Variants in ZNF700 observed in about 807,000 individuals in gnomAD.
ZNF700 encodes zinc finger protein 700.
Under a neutral mutation model 65.3 loss-of-function variants are expected in ZNF700, and 38 were observed. The observed-to-expected ratio is 0.58, with a 90% CI of 0.45 to 0.76. The LOEUF (loss-of-function observed/expected upper bound fraction) is 0.76, where lower values mean the gene tolerates loss of function less well. Among genes scored for constraint, ZNF700 ranks in the 30% least tolerant of loss-of-function variants. The probability of loss-of-function intolerance (pLI) is 0.00; values close to 1 mark genes in which losing one functional copy is unlikely to be tolerated. For synonymous variants in ZNF700, 285 were observed against 290.4 expected (o/e 0.98, Z 0.19); for missense variants, 857 against 888.4 (o/e 0.96, Z 0.45).
chr19:11,948,234 T>G (rs771024798), intron 3 of ZNF700, 42 bp from the exon 4 acceptor site: 2 of 1,589,768 alleles, frequency 1.3e-6, no homozygotes, highest in Admixed American at 3.7e-5. Flanking sequence ...ATAGAAGTAC[T>G]TGTAAACAAA....
intron 3 of ZNF700, 58 bp from the exon 4 acceptor site, chr19:11,948,218 A>T: frequency 1.3e-6 from 2 of 1,558,360 alleles, no homozygotes; most frequent in Non-Finnish European, 1.7e-6. Context: ...ATACTTGTTG[A>T]TTAATATAGA....
At chr19:11,927,457 A>AATAC (rs1327682950) in intron 1 of ZNF700, among the ~76,000 whole-genome samples, 1 of 147,298 alleles carries the variant, frequency 6.8e-6, no homozygotes, top group Non-Finnish European at 1.5e-5. Context: ...TAAATAAATA[A>AATAC]ATAAATAGAA....
chr19:11,937,490 CTT>C (rs1053539594), intron 1 of ZNF700, among the ~76,000 whole-genome samples: 33 of 129,012 alleles, frequency 2.6e-4, no homozygotes, highest in Non-Finnish European at 4.6e-4. Flanking sequence ...TTTTTCTTTC[CTT>C]TTTTTTTTTT....
Position 11,935,130 on chromosome 19 carries a change from G to C in ZNF700, c.63+9857G>C, listed in dbSNP as rs1242198085. On this transcript the variant is annotated intron_variant, in intron 1 of 3. Coordinates refer to ENST00000254321, the MANE Select transcript of ZNF700 (RefSeq NM_144566.3). ...GGCGGAGCTTGCAGTGGGCCGAGAT[G>C]GCACCACTGCACTCCAGCCTGGGCG... is the stretch of plus-strand genomic sequence containing the variant. Among the ~76,000 whole-genome samples, 269 of 132,260 alleles carry C rather than the reference G, an allele frequency of 2.0e-3. 4 individuals are homozygous for C. Among genetic ancestry groups the C allele is most frequent in the Middle Eastern group, 0.011 (3 of 266 alleles). The allele number at this position is 132,260 out of a possible 152,430, so 86.8% of individuals were successfully genotyped here. A position where few individuals can be genotyped will look rare whatever the true frequency, so the allele number is the denominator to read the frequency against.
chr19:11,947,443 G>A (rs759401536), intron 2 of ZNF700, 71 bp from the exon 3 acceptor site: 1 of 1,599,306 alleles, frequency 6.3e-7, no homozygotes, highest in Non-Finnish European at 8.5e-7. Context: ...GTAAATCATG[G>A]GCACAGAATC....
At chr19:11,932,758 C>T (rs903328193) in intron 1 of ZNF700, among the ~76,000 whole-genome samples, 1 of 146,632 alleles carries the variant, frequency 6.8e-6, no homozygotes, top group Non-Finnish European at 1.5e-5. Flanking sequence ...CTGTCTCAGC[C>T]TCCCAAGTAG....
rs1297367201 is a variant in ZNF700, at chr19:11,949,386, C to T, written c.1362C>T (p.Ala454=). Residue 454 remains alanine (A), a synonymous_variant, in exon 4 of 4, where the codon GCC becomes GCT. Coordinates refer to ENST00000254321, the MANE Select transcript of ZNF700 (RefSeq NM_144566.3). The part of the protein sequence containing the change: ...KPYECKECGK[A]FRSTSHLRVH... ...ATGAATGTAAGGAATGTGGGAAAGC[C>T]TTCAGATCTACCTCACACCTTCGAG... The T allele has an allele frequency of 3.1e-6, 5 of 1,613,558 alleles. No individual in the cohort carries two copies. The African/African-American group carries it at 5.3e-5, about 17-fold the overall frequency.
chr19:11,937,991 G>A (rs374631175), intron 1 of ZNF700, among the ~76,000 whole-genome samples: 132 of 152,204 alleles, frequency 8.7e-4, no homozygotes, highest in African/African-American at 3.0e-3. Context: ...CATGCTTAGC[G>A]TTCCAAAAAT....
chr19:11,945,389 C>T (rs1287334296), intron 1 of ZNF700, among the ~76,000 whole-genome samples: 6 of 152,204 alleles, frequency 3.9e-5, no homozygotes, highest in Non-Finnish European at 5.9e-5. Flanking sequence ...ATTGACCAAG[C>T]ACAAGTCCTG....
intron 1 of ZNF700, chr19:11,926,714 ACC>A (rs1972634421): frequency 6.5e-6 from 1 of 154,146 alleles, no homozygotes; most frequent in African/African-American, 2.4e-5. Context: ...TTTTTAGTTT[ACC>A]AGTTTAGGGG....
At chr19:11,927,082 A>G (rs1407081393) in intron 1 of ZNF700, among the ~76,000 whole-genome samples, 2 of 152,164 alleles carry the variant, frequency 1.3e-5, no homozygotes, top group Non-Finnish European at 2.9e-5. Flanking sequence ...GGCCAGCATG[A>G]TGGCTTAGGC....
In ZNF700 at chr19:11,950,106, T is replaced by G; in HGVS notation, c.2082T>G (p.His694Gln). The change falls in exon 4 of 4, where the codon CAT becomes CAG. Residue 694 changes from histidine to glutamine, a missense_variant. By Grantham distance (24) the His-to-Gln change is conservative. Around this residue, in one of 3 missense-constraint regions of ZNF700, gnomAD observed 251 missense variants for 250.3 expected, o/e 1.00. Transcript: ENST00000254321. ...GFTSAKILQI[H>Q]ARTHIGEKHY... Reference sequence around the variant, plus strand: ...CATCTGCCAAGATTCTTCAAATACATGCAAGAACACACATTGGAGAGAAAC... The same window carrying G: ...CATCTGCCAAGATTCTTCAAATACAGGCAAGAACACACATTGGAGAGAAAC... The G allele has an allele frequency of 1.2e-6, 2 of 1,614,112 alleles. No homozygotes were observed. Among genetic ancestry groups the G allele is most frequent in the Non-Finnish European group, 1.7e-6 (2 of 1,179,986 alleles).
intron 1 of ZNF700, among the ~76,000 whole-genome samples, chr19:11,928,461 G>A (rs991435045): frequency 6.7e-6 from 1 of 149,770 alleles, no homozygotes; most frequent in Non-Finnish European, 1.5e-5. Flanking sequence ...GGCCGGGCGC[G>A]GTGGCTCACG....
chr19:11,937,115 G>A (rs1420236503), intron 1 of ZNF700, among the ~76,000 whole-genome samples: 2 of 152,184 alleles, frequency 1.3e-5, no homozygotes, highest in African/African-American at 4.8e-5. Context: ...CTCATTCACA[G>A]ATCATGCTTT....
rs769598743 is a variant in ZNF700 at position 11,950,300 on chromosome 19, A to G, written c.*47A>G. The G allele has an allele frequency of 6.4e-7, 1 of 1,563,600 alleles. No individual in the cohort carries two copies. Among genetic ancestry groups the G allele is most frequent in the East Asian group, 2.2e-5 (1 of 44,468 alleles). On this transcript the variant is annotated 3_prime_UTR_variant, in exon 4 of 4. Transcript: ENST00000254321. ...GAATAGACTCACACTGGAAGGAAGC[A>G]CTATGAATGCAAGCAATGTGGCAAA...
chr19:11,937,986 T>G, intron 1 of ZNF700, among the ~76,000 whole-genome samples: 1 of 152,222 alleles, frequency 6.6e-6, no homozygotes, highest in East Asian at 1.9e-4. Flanking sequence ...TCCCACATGC[T>G]TAGCGTTCCA....
chr19:11,925,978 T>A (rs139491379), intron 1 of ZNF700, among the ~76,000 whole-genome samples: 1 of 151,846 alleles, frequency 6.6e-6, no homozygotes, highest in Non-Finnish European at 1.5e-5. Flanking sequence ...GCAGAAAGGG[T>A]GGGACCTGTG....
rs1463823333 is a variant in ZNF700, at chr19:11,925,457, C to T, written c.63+184C>T. ...ACGGGGCTGGGCCAGCAGCCAGGAC[C>T]CGGGCGTCCTGTCCCGTCCCTGCGC... On this transcript the variant is annotated intron_variant, in intron 1 of 3. Transcript: ENST00000254321. 2.0e-5 allele frequency among the ~76,000 whole-genome samples: 3 copies of T among 152,292 alleles called. No homozygotes were observed. In the East Asian group the frequency reaches 5.8e-4, roughly 30 times the overall value.
chr19:11,943,295 G>C lies in ZNF700; in HGVS notation c.64-3886G>C, dbSNP rs78507767. On this transcript the variant is annotated intron_variant, in intron 1 of 3. Transcript: ENST00000254321. The stretch of plus-strand genomic sequence containing the variant: ...TTTATATGCAGACAGCAATTGGTTA[G>C]GTTAAATTTTCCATAGACCCCTCCT... Among the ~76,000 whole-genome samples, 1,454 of 152,162 alleles carry C rather than the reference G, an allele frequency of 9.6e-3. 16 individuals are homozygous for C. Among genetic ancestry groups the C allele is most frequent in the African/African-American group, 0.033 (1,381 of 41,458 alleles).
Sources: gnomAD v4.1 joint callset for allele counts (sites outside exome capture counted in the v4.1 genomes callset) on GRCh38, gnomAD v4.1.1 for gene constraint, gnomAD v4.1.1 regional missense constraint, MANE v1.5 for transcripts, NCBI Gene and HGNC (gene_info 2026-07-23, HGNC 2026-07-21) for gene names.